The following SFXN4 variants were observed in gnomAD, a reference collection of about 807,000 sequenced individuals.
SFXN4 encodes the protein sideroflexin 4.
Under a neutral mutation model 54.6 loss-of-function variants are expected in SFXN4, and 48 were observed. The ratio of observed to expected loss-of-function variants is 0.88; its 90% CI spans 0.70 to 1.12. SFXN4 has a LOEUF of 1.12. Ranked by LOEUF, SFXN4 falls within the 50% of genes most tolerant of loss-of-function variation. SFXN4 has a pLI of 0.00. For missense variants in SFXN4, 383 were observed against 409.2 expected (o/e 0.94, Z 0.55); for synonymous variants, 130 against 145.5 (o/e 0.89, Z 0.77).
chr10:119,160,156 G>A (rs1847461615), intron 5 of SFXN4, among the ~76,000 whole-genome samples: 1 of 152,038 alleles, frequency 6.6e-6, no homozygotes, highest in South Asian at 2.1e-4. Context: ...TCCAGCCTGG[G>A]TAACAGAGCG....
At chr10:119,164,832 G>A (rs1847703232) in intron 1 of SFXN4, among the ~76,000 whole-genome samples, 1 of 152,108 alleles carries the variant, frequency 6.6e-6, no homozygotes, top group African/African-American at 2.4e-5. Context: ...ACCCCCTAAA[G>A]CCCTGCTCTC....
intron 3 of SFXN4, chr10:119,162,023 T>C: frequency 5.2e-6 from 2 of 383,108 alleles, no homozygotes; most frequent in Non-Finnish European, 9.3e-6. Context: ...ATTCTGGGGT[T>C]TGCCACTGGG....
At chr10:119,163,433 C>T (rs951226788) in intron 2 of SFXN4, among the ~76,000 whole-genome samples, 9 of 151,666 alleles carry the variant, frequency 5.9e-5, no homozygotes, top group African/African-American at 9.7e-5. Flanking sequence ...GAGTTTCGCT[C>T]GTCACGCAGG....
At chr10:119,143,823 C>G (rs921055444) in intron 13 of SFXN4, among the ~76,000 whole-genome samples, 1 of 152,056 alleles carries the variant, frequency 6.6e-6, no homozygotes, top group African/African-American at 2.4e-5. Flanking sequence ...ACTACATTCC[C>G]CAGGCTGGTC....
chr10:119,151,416 CTGGGGGTGGGGG>C (rs202124322), intron 11 of SFXN4, among the ~76,000 whole-genome samples: 2 of 29,136 alleles, frequency 6.9e-5, no homozygotes, highest in Non-Finnish European at 1.4e-4. Flanking sequence ...CTCCCTAGGG[CTGGGGGTGGGGG>C]TGGGGGTGGG....
chr10:119,148,880 A>G (rs1219493959), intron 11 of SFXN4, among the ~76,000 whole-genome samples: 1 of 151,818 alleles, frequency 6.6e-6, no homozygotes. Context: ...CTTTTTTACT[A>G]CTTTCATTTA....
At position 119,164,720 on chromosome 10, in the gene SFXN4, C is replaced by CTTGG. The variant is rs200088807; in HGVS notation, c.112-528_112-525dup. Among the ~76,000 whole-genome samples the CTTGG allele has an allele frequency of 2.0e-5, 3 of 152,088 alleles. No homozygotes were observed. The East Asian group carries it at 5.8e-4, about 29-fold the overall frequency. On this transcript the variant is annotated intron_variant, in intron 1 of 13. Transcript: ENST00000355697. ...CTTTGTAGTGGTTCTGGCTTTAAGC[C>CTTGG]TTGGCTCTGCTGGAGCAACCTGAGC...
rs763755491 is a variant in SFXN4 at position 119,147,778 on chromosome 10, T to C, written c.815A>G (p.Lys272Arg). The C allele has an allele frequency of 3.1e-6, 5 of 1,613,652 alleles. No individual in the cohort carries two copies. The highest frequency in any genetic ancestry group is 4.2e-6 in the Non-Finnish European group (5 of 1,179,558). ...LIPEVFTYFF[K>R]RTQYFRKNPG... The stretch of plus-strand genomic sequence containing the variant: ...GGGATATGACCGTGTCTCTTACCTT[T>C]TAAAAAAGTAGGTGAAGACTTCAGG... Residue 272 changes from lysine (K) to arginine (R), a missense_variant, in exon 12 of 14, where the codon AAA becomes AGA. Physicochemically the swap from Lys to Arg is conservative, Grantham distance 26 (BLOSUM62 2). Transcript: ENST00000355697.
intron 6 of SFXN4, among the ~76,000 whole-genome samples, 158 bp downstream of exon 6, chr10:119,159,570 T>C (rs1403062153): frequency 6.6e-6 from 1 of 152,038 alleles, no homozygotes; most frequent in Non-Finnish European, 1.5e-5. Context: ...CAAGGACGTA[T>C]GAACAGCAGC....
Position 119,165,404 on chromosome 10 carries a change from C to A in SFXN4, c.111+133G>T, listed in dbSNP as rs540223269. On this transcript the variant is annotated intron_variant, in intron 1 of 13. Transcript: ENST00000355697. ...GAAGGCCGGTGGTGCGCGTTCCCGGCACAACTCCGAGAGGAGGAAACGGAG... is the reference window on the plus strand; with the variant it reads ...GAAGGCCGGTGGTGCGCGTTCCCGGAACAACTCCGAGAGGAGGAAACGGAG... The A allele has an allele frequency of 2.3e-6, 3 of 1,330,292 alleles. No homozygotes were observed. In the South Asian group the frequency reaches 5.2e-5, roughly 23 times the overall value. 82.4% of individuals were successfully genotyped at this position (1,330,292 alleles called of 1,614,324 possible).
intron 11 of SFXN4, among the ~76,000 whole-genome samples, chr10:119,152,136 A>G (rs1284327238): frequency 6.6e-6 from 1 of 151,996 alleles, no homozygotes; most frequent in East Asian, 1.9e-4. Context: ...AAACTGACTA[A>G]AATTCATCAA....
chr10:119,143,796 T>C (rs965037626), intron 13 of SFXN4, among the ~76,000 whole-genome samples: 3 of 152,066 alleles, frequency 2.0e-5, no homozygotes, highest in African/African-American at 7.2e-5. Context: ...GAACATTTTA[T>C]GTAGAGACGA....
At position 119,165,695 on chromosome 10, in the gene SFXN4, G is replaced by A. The variant is rs748296317; in HGVS notation, c.-48C>T. 2.1e-6 allele frequency: 3 copies of A among 1,411,408 alleles called. No individual in the cohort carries two copies. The highest frequency in any genetic ancestry group is 9.3e-7 in the Non-Finnish European group (1 of 1,074,426). 87.4% of individuals were successfully genotyped at this position (1,411,408 alleles called of 1,614,324 possible). ...CCGCCGCCAGGCCGCGCGTGGAGGA[G>A]GAGCCGGGCGGCGAGCCCCGCCCCG... On this transcript the variant is annotated 5_prime_UTR_variant, in exon 1 of 14. Coordinates refer to ENST00000355697, the MANE Select transcript of SFXN4 (RefSeq NM_213649.2).
chr10:119,161,885 A>T (rs1847564601), intron 3 of SFXN4, among the ~76,000 whole-genome samples: 1 of 152,220 alleles, frequency 6.6e-6, no homozygotes, highest in Non-Finnish European at 1.5e-5. Context: ...TGTCTTGAGG[A>T]GCTGGTGTTT....
intron 3 of SFXN4, among the ~76,000 whole-genome samples, chr10:119,161,427 C>CAAAAAAAAAA (rs1254206919): frequency 8.6e-6 from 1 of 116,684 alleles, no homozygotes; most frequent in Non-Finnish European, 1.7e-5. Flanking sequence ...ACAACAACAA[C>CAAAAAAAAAA]AAAAAAAAAC....
At chr10:119,145,919 C>A (rs1381772071) in intron 13 of SFXN4, among the ~76,000 whole-genome samples, 1 of 152,066 alleles carries the variant, frequency 6.6e-6, no homozygotes. Flanking sequence ...ATCTCCTGGG[C>A]CCAGGTGATC....
chr10:119,148,008 C>CA (rs2133580093), intron 11 of SFXN4, 148 bp from the exon 12 acceptor site: 2 of 577,202 alleles, frequency 3.5e-6, no homozygotes, highest in South Asian at 3.9e-5. Context: ...CTGTCTCTAC[C>CA]AAAAAATACA....
intron 5 of SFXN4, among the ~76,000 whole-genome samples, chr10:119,160,588 C>CT (rs1199404439): frequency 0.015 from 1,738 of 116,382 alleles, 50 homozygotes; most frequent in African/African-American, 0.052. Flanking sequence ...GTTTTCTTTT[C>CT]TTTTTTTTTT....
intron 12 of SFXN4, among the ~76,000 whole-genome samples, 187 bp downstream of exon 12, chr10:119,147,588 G>A (rs901472004): frequency 2.6e-5 from 4 of 152,062 alleles, no homozygotes; most frequent in Non-Finnish European, 4.4e-5. Flanking sequence ...TTCCCCATTC[G>A]GTGGAATCCG....
Sources: allele counts gnomAD v4.1 joint callset (sites outside exome capture counted in the v4.1 genomes callset), GRCh38; gene constraint gnomAD v4.1.1; transcripts MANE v1.5; gene names NCBI Gene and HGNC (gene_info 2026-07-23, HGNC 2026-07-21).